BCKDHB: variants seen among roughly 807,000 people sequenced by gnomAD.
BCKDHB encodes 2-oxoisovalerate dehydrogenase subunit beta, mitochondrial.
In BCKDHB, 41 loss-of-function variants were observed where a neutral mutation model predicts 48.5. That is an observed-to-expected ratio of 0.85 (90% CI 0.66 to 1.10). The LOEUF (loss-of-function observed/expected upper bound fraction) is 1.10, where lower values mean the gene tolerates loss of function less well. Ranked by LOEUF, BCKDHB falls within the 50% of genes least tolerant of loss-of-function variation. BCKDHB has a pLI of 0.00. For missense variants in BCKDHB, 496 were observed against 494.2 expected (o/e 1.00, Z -0.03); for synonymous variants, 201 against 174.8 (o/e 1.15, Z -1.18).
chr6:80,259,290 G>C (rs905639778), intron 8 of BCKDHB, among the ~76,000 whole-genome samples: 1 of 152,192 alleles, frequency 6.6e-6, no homozygotes, highest in Non-Finnish European at 1.5e-5. Flanking sequence ...GCAATATTAT[G>C]GTTTCAGTGT....
chr6:80,299,960 A>T (rs984936360), intron 9 of BCKDHB, among the ~76,000 whole-genome samples: 1 of 152,194 alleles, frequency 6.6e-6, no homozygotes, highest in African/African-American at 2.4e-5. Flanking sequence ...GTAGACCCAT[A>T]TCACATGTAA....
chr6:80,445,109 A>T, the BCKDHB span, among the ~76,000 whole-genome samples: 24 of 152,080 alleles, frequency 1.6e-4, no homozygotes, highest in African/African-American at 5.8e-4. Context: ...CCTCTTGTTT[A>T]TATCTACCTT....
At chr6:80,412,908 T>C in the BCKDHB span, among the ~76,000 whole-genome samples, 2 of 152,192 alleles carry the variant, frequency 1.3e-5, no homozygotes, top group African/African-American at 2.4e-5. Flanking sequence ...ATGTGGCAAA[T>C]AGCTTTTTAC....
the BCKDHB span, among the ~76,000 whole-genome samples, chr6:80,444,748 C>G: frequency 6.6e-6 from 1 of 152,118 alleles, no homozygotes; most frequent in Non-Finnish European, 1.5e-5. Flanking sequence ...ATATGGCCAC[C>G]ATAACACCTA....
intron 9 of BCKDHB, among the ~76,000 whole-genome samples, chr6:80,319,820 A>G (rs1381045680): frequency 6.6e-6 from 1 of 152,196 alleles, no homozygotes; most frequent in Admixed American, 6.5e-5. Flanking sequence ...ATCTTAAATA[A>G]AAGTGAAGTT....
intron 1 of BCKDHB, among the ~76,000 whole-genome samples, chr6:80,117,979 G>A (rs1308444521): frequency 6.6e-6 from 1 of 152,030 alleles, no homozygotes; most frequent in East Asian, 1.9e-4. Context: ...TTCTGGCTAG[G>A]TTCTTAGCTA....
chr6:80,137,526 G>A (rs1481090841), intron 3 of BCKDHB, among the ~76,000 whole-genome samples: 2 of 152,094 alleles, frequency 1.3e-5, no homozygotes, highest in African/African-American at 4.8e-5. Context: ...CTCACTGTTG[G>A]CTTGTTGACC....
chr6:80,236,104 A>G (rs1429298779), intron 8 of BCKDHB, among the ~76,000 whole-genome samples: 1 of 152,236 alleles, frequency 6.6e-6, no homozygotes, highest in Middle Eastern at 3.2e-3. Flanking sequence ...ATTAAAAACA[A>G]TTGTTCTTTA....
chr6:80,381,908 TAAAA>T, the BCKDHB span, among the ~76,000 whole-genome samples: 7 of 152,070 alleles, frequency 4.6e-5, no homozygotes, highest in Admixed American at 3.3e-4. Flanking sequence ...AAAACCTGAT[TAAAA>T]CCTAAAACCT....
intron 8 of BCKDHB, among the ~76,000 whole-genome samples, chr6:80,211,687 C>T (rs1450521039): frequency 6.6e-6 from 1 of 152,188 alleles, no homozygotes; most frequent in African/African-American, 2.4e-5. Context: ...CAGCAAGCCC[C>T]TTCATTCACT....
chr6:80,263,314 A>C (rs116133079), intron 8 of BCKDHB, among the ~76,000 whole-genome samples: 1,821 of 152,326 alleles, frequency 0.012, 29 homozygotes, highest in African/African-American at 0.042. Flanking sequence ...TTTCTGCTAA[A>C]GAATTCTTTT....
Position 80,335,247 on chromosome 6 carries a change from A to AAAAGAG in BCKDHB, c.1039-8417_1039-8416insAAAGAG, listed in dbSNP as rs1554215008. On this transcript the variant is annotated intron_variant, in intron 9 of 9. Coordinates refer to ENST00000320393, the MANE Select transcript of BCKDHB (RefSeq NM_183050.4). ...ATTTTGTGGGAAAAAAAAAAAAAAAAGAAGAAAAATTGAATGCTTTGTATG... is the reference window on the plus strand; with the variant it reads ...ATTTTGTGGGAAAAAAAAAAAAAAAAAAAGAGGAAGAAAAATTGAATGCTTTGTATG... Among the ~76,000 whole-genome samples the AAAAGAG allele has an allele frequency of 1.9e-3, 278 of 144,930 alleles. 5 individuals are homozygous for AAAAGAG. Among genetic ancestry groups the AAAAGAG allele is most frequent in the South Asian group, 9.2e-3 (43 of 4,674 alleles).
intron 8 of BCKDHB, among the ~76,000 whole-genome samples, chr6:80,235,489 C>T (rs753877872): frequency 4.6e-5 from 7 of 152,018 alleles, no homozygotes; most frequent in Admixed American, 1.3e-4. Flanking sequence ...ACATAGAAGC[C>T]AGCTCCCAGA....
the BCKDHB span, among the ~76,000 whole-genome samples, chr6:80,413,380 A>G: frequency 6.6e-6 from 1 of 152,224 alleles, no homozygotes; most frequent in East Asian, 1.9e-4. Context: ...TTTGTTTTAC[A>G]TATTATTTCA....
the BCKDHB span, among the ~76,000 whole-genome samples, chr6:80,428,215 T>G: frequency 6.6e-6 from 1 of 152,230 alleles, no homozygotes; most frequent in Non-Finnish European, 1.5e-5. Context: ...TCCTTTTCTA[T>G]GGCTGCATAG....
intron 6 of BCKDHB, among the ~76,000 whole-genome samples, chr6:80,172,264 A>G (rs1450054254): frequency 2.0e-5 from 3 of 152,084 alleles, no homozygotes; most frequent in Non-Finnish European, 1.5e-5. Flanking sequence ...TATTACAATA[A>G]TATTACAATT....
intron 8 of BCKDHB, among the ~76,000 whole-genome samples, chr6:80,262,793 A>G (rs1333862708): frequency 2.6e-5 from 4 of 152,168 alleles, no homozygotes; most frequent in African/African-American, 9.6e-5. Context: ...TGAGCCAAGC[A>G]CAAAATCTTC....
intron 3 of BCKDHB, among the ~76,000 whole-genome samples, 170 bp downstream of exon 3, chr6:80,129,399 CT>C (rs1770515913): frequency 6.6e-6 from 1 of 152,134 alleles, no homozygotes; most frequent in Non-Finnish European, 1.5e-5. Context: ...TCTCAAATGT[CT>C]TCTAGTATCC....
At chr6:80,177,682 G>A (rs941707250) in intron 6 of BCKDHB, among the ~76,000 whole-genome samples, 2 of 152,150 alleles carry the variant, frequency 1.3e-5, no homozygotes, top group Non-Finnish European at 2.9e-5. Context: ...ACTACTGCCT[G>A]CTTTTCCCTC....
Sources: allele counts gnomAD v4.1 joint callset (sites outside exome capture counted in the v4.1 genomes callset), GRCh38; gene constraint gnomAD v4.1.1; transcripts MANE v1.5; gene names NCBI Gene and HGNC (gene_info 2026-07-23, HGNC 2026-07-21).